Variants in LUZP2 observed in about 807,000 individuals in gnomAD.
LUZP2 encodes the protein leucine zipper protein 2.
Under a neutral mutation model 51.6 loss-of-function variants are expected in LUZP2, and 52 were observed. That is an observed-to-expected ratio of 1.01 (90% confidence interval 0.81 to 1.27). The LOEUF (loss-of-function observed/expected upper bound fraction) is 1.27. Ranked by LOEUF, LUZP2 falls within the 50% of genes most tolerant of loss-of-function variation. The probability of loss-of-function intolerance (pLI) is 0.00; values close to 1 mark genes in which losing one functional copy is unlikely to be tolerated. For synonymous variants in LUZP2, 154 were observed against 137.3 expected (o/e 1.12, Z -0.85); for missense variants, 436 against 395.4 (o/e 1.10, Z -0.87).
intron 7 of LUZP2, among the ~76,000 whole-genome samples, chr11:24,946,461 T>C (rs1198062649): frequency 6.6e-6 from 1 of 151,964 alleles, no homozygotes; most frequent in African/African-American, 2.4e-5. Context: ...CTTTCTAATA[T>C]AAAATTTTTA....
chr11:24,697,717 A>C (rs778094631), intron 1 of LUZP2, among the ~76,000 whole-genome samples: 4 of 152,226 alleles, frequency 2.6e-5, no homozygotes, highest in Admixed American at 1.3e-4. Flanking sequence ...GTTAAGCAAT[A>C]ACCAGCCATT....
chr11:24,993,446 A>G, intron 9 of LUZP2, among the ~76,000 whole-genome samples: 1 of 152,146 alleles, frequency 6.6e-6, no homozygotes, highest in East Asian at 1.9e-4. Flanking sequence ...AGGAAATCAT[A>G]GTTATTGCCA....
intron 5 of LUZP2, among the ~76,000 whole-genome samples, chr11:24,792,894 A>T (rs1306963749): frequency 2.0e-5 from 3 of 152,132 alleles, no homozygotes; most frequent in Admixed American, 6.6e-5. Flanking sequence ...GCCTCCCTTG[A>T]GGCAATTTCT....
chr11:24,953,631 A>T (rs1004312891), intron 7 of LUZP2, among the ~76,000 whole-genome samples: 1 of 152,034 alleles, frequency 6.6e-6, no homozygotes, highest in Admixed American at 6.6e-5. Context: ...GTAGATATAG[A>T]GCACTTGTAA....
At chr11:24,834,307 C>T (rs1364674175) in intron 5 of LUZP2, among the ~76,000 whole-genome samples, 1 of 152,110 alleles carries the variant, frequency 6.6e-6, no homozygotes, top group African/African-American at 2.4e-5. Flanking sequence ...CACGTGTTCT[C>T]ATTTTTCAAT....
chr11:24,747,681 G>T (rs756149599), intron 4 of LUZP2, among the ~76,000 whole-genome samples: 48 of 152,220 alleles, frequency 3.2e-4, no homozygotes, highest in Non-Finnish European at 6.5e-4. Context: ...TCAGGTTGCT[G>T]CAGGGCTAGG....
At chr11:25,058,454 A>G (rs745618515) in intron 10 of LUZP2, among the ~76,000 whole-genome samples, 1 of 152,190 alleles carries the variant, frequency 6.6e-6, no homozygotes, top group Non-Finnish European at 1.5e-5. Flanking sequence ...AACACAAAGC[A>G]TAATCTGATA....
chr11:24,996,141 AT>A (rs1316781793), intron 9 of LUZP2, among the ~76,000 whole-genome samples: 5 of 151,236 alleles, frequency 3.3e-5, no homozygotes, highest in Non-Finnish European at 7.4e-5. Flanking sequence ...TTTTTCGGTC[AT>A]TTTTTATTGA....
intron 1 of LUZP2, among the ~76,000 whole-genome samples, chr11:24,614,476 T>C (rs562336473): frequency 1.3e-5 from 2 of 152,178 alleles, no homozygotes; most frequent in African/African-American, 4.8e-5. Flanking sequence ...AAGCCTTTTA[T>C]TATCACTAGT....
chr11:24,645,889 A>G (rs754890002), intron 1 of LUZP2, among the ~76,000 whole-genome samples: 3 of 151,644 alleles, frequency 2.0e-5, no homozygotes, highest in Non-Finnish European at 2.9e-5. Flanking sequence ...ATGTACATAA[A>G]ATCTCATTAG....
intron 1 of LUZP2, among the ~76,000 whole-genome samples, chr11:24,512,349 A>C (rs2133778681): frequency 6.6e-6 from 1 of 152,302 alleles, no homozygotes; most frequent in South Asian, 2.1e-4. Context: ...TTTTTTTATA[A>C]ATTGAGGCTC....
At chr11:24,650,721 T>C (rs1855600557) in intron 1 of LUZP2, among the ~76,000 whole-genome samples, 3 of 152,108 alleles carry the variant, frequency 2.0e-5, no homozygotes, top group South Asian at 4.1e-4. Context: ...AATTTGTGTT[T>C]AACTATTGAA....
intron 5 of LUZP2, among the ~76,000 whole-genome samples, chr11:24,805,718 G>T (rs1240319438): frequency 6.6e-6 from 1 of 152,116 alleles, no homozygotes; most frequent in African/African-American, 2.4e-5. Flanking sequence ...TTTCTCAACT[G>T]TTTGTTTTAG....
At chr11:25,049,914 G>A (rs896772345) in intron 9 of LUZP2, 124 bp from the exon 10 acceptor site, 3 of 424,218 alleles carry the variant, frequency 7.1e-6, no homozygotes, top group Non-Finnish European at 8.1e-6. Flanking sequence ...GTTTTATTTT[G>A]ATTGTAATGT....
At chr11:24,627,163 A>G (rs1435839333) in intron 1 of LUZP2, among the ~76,000 whole-genome samples, 1 of 152,230 alleles carries the variant, frequency 6.6e-6, no homozygotes, top group East Asian at 1.9e-4. Context: ...CCTATAGTAC[A>G]AAAATATGTA....
chr11:24,881,078 G>T (rs1590682279), intron 5 of LUZP2, among the ~76,000 whole-genome samples: 2 of 152,182 alleles, frequency 1.3e-5, no homozygotes, highest in Admixed American at 6.5e-5. Context: ...ATTTGGCTTT[G>T]TTTTTTGGTT....
Position 24,983,246 on chromosome 11 carries a change from C to G in LUZP2, c.718C>G (p.Pro240Ala), listed in dbSNP as rs1590802280. The G allele has an allele frequency of 6.2e-7, 1 of 1,612,148 alleles. No homozygotes were observed. The highest frequency in any genetic ancestry group is 8.5e-7 in the Non-Finnish European group (1 of 1,178,804). The change falls in exon 9 of 12, where the codon CCC becomes GCC. Residue 240 changes from proline to alanine, a missense_variant. Physicochemically the swap from Pro to Ala is conservative, Grantham distance 27. Coordinates refer to ENST00000336930, the MANE Select transcript of LUZP2 (RefSeq NM_001009909.4). ...TSNPTRMLLP[P>A]RNIASKLPDA... ...AAATCCAACTCGGATGTTACTCCCA[C>G]CCAGGAATATTGCCTCTAAGCTTCC... is the stretch of plus-strand genomic sequence containing the variant.
At chr11:24,513,002 C>A (rs1590121623) in intron 1 of LUZP2, among the ~76,000 whole-genome samples, 1 of 152,194 alleles carries the variant, frequency 6.6e-6, no homozygotes, top group Non-Finnish European at 1.5e-5. Flanking sequence ...AGGTGATCCA[C>A]CCGCCTCGGC....
chr11:24,794,958 G>T (rs1161299028), intron 5 of LUZP2, among the ~76,000 whole-genome samples: 12 of 151,990 alleles, frequency 7.9e-5, no homozygotes, highest in Admixed American at 7.2e-4. Flanking sequence ...ATCTTAATTT[G>T]GTTATTTATT....
Sources: gnomAD v4.1 joint callset for allele counts (sites outside exome capture counted in the v4.1 genomes callset) on GRCh38, gnomAD v4.1.1 for gene constraint, MANE v1.5 for transcripts, NCBI Gene and HGNC (gene_info 2026-07-23, HGNC 2026-07-21) for gene names.